HIVEP3: variants seen among roughly 807,000 people sequenced by gnomAD.
HIVEP3 encodes the protein HIVEP zinc finger 3.
A neutral mutation model predicts 152.8 loss-of-function variants in HIVEP3; 49 were observed. That is an observed-to-expected ratio of 0.32 (90% CI 0.26 to 0.41). HIVEP3 has a LOEUF of 0.41. Among genes scored for constraint, HIVEP3 ranks in the 10% least tolerant of loss-of-function variants. The pLI is 1.00. For missense variants in HIVEP3, 2,790 were observed against 3,103.3 expected (o/e 0.90, Z 2.40); for synonymous variants, 1,269 against 1,289.0 (o/e 0.98, Z 0.33).
intron 1 of HIVEP3, among the ~76,000 whole-genome samples, chr1:42,000,736 TGACA>T (rs1439420486): frequency 6.6e-6 from 1 of 152,184 alleles, no homozygotes; most frequent in East Asian, 1.9e-4. Flanking sequence ...AAAACCCTCC[TGACA>T]AAGATTTTTC....
intron 2 of HIVEP3, among the ~76,000 whole-genome samples, chr1:41,676,238 G>A (rs1157025443): frequency 6.6e-6 from 1 of 152,154 alleles, no homozygotes; most frequent in East Asian, 1.9e-4. Flanking sequence ...TTTTAGTAGA[G>A]ACGGGGTTTC....
At chr1:41,936,492 G>A (rs1645021057) in intron 1 of HIVEP3, among the ~76,000 whole-genome samples, 2 of 152,214 alleles carry the variant, frequency 1.3e-5, no homozygotes. Context: ...TCAACAAGAA[G>A]TAGTTCCATT....
intron 1 of HIVEP3, among the ~76,000 whole-genome samples, chr1:41,819,782 C>T (rs1484538177): frequency 3.3e-5 from 5 of 152,086 alleles, no homozygotes; most frequent in Non-Finnish European, 4.4e-5. Context: ...TTGACATTTG[C>T]TACATGATTA....
At chr1:41,716,350 A>C (rs960240200) in intron 1 of HIVEP3, among the ~76,000 whole-genome samples, 2 of 152,152 alleles carry the variant, frequency 1.3e-5, no homozygotes. Flanking sequence ...GGCCATGTCC[A>C]TTACCTCATT....
intron 1 of HIVEP3, among the ~76,000 whole-genome samples, chr1:41,769,965 T>A (rs1648244432): frequency 6.6e-6 from 1 of 152,072 alleles, no homozygotes; most frequent in African/African-American, 2.4e-5. Context: ...TTGTTTTTTG[T>A]TTGTTTGTTT....
At chr1:41,868,174 T>C (rs1644013904) in intron 1 of HIVEP3, among the ~76,000 whole-genome samples, 1 of 147,464 alleles carries the variant, frequency 6.8e-6, no homozygotes, top group African/African-American at 2.5e-5. Flanking sequence ...ACACCATCAG[T>C]AGTTATATAA....
intron 5 of HIVEP3, among the ~76,000 whole-genome samples, chr1:41,572,997 C>A (rs540246934): frequency 6.6e-6 from 1 of 152,312 alleles, no homozygotes; most frequent in South Asian, 2.1e-4. Flanking sequence ...CTTGCTTTGG[C>A]CATTTAAATG....
intron 1 of HIVEP3, among the ~76,000 whole-genome samples, chr1:41,899,798 C>G (rs1384242047): frequency 1.3e-5 from 2 of 152,142 alleles, no homozygotes; most frequent in Admixed American, 6.5e-5. Context: ...ATTATTACCC[C>G]CCAGCTTATA....
chr1:41,756,464 A>G (rs575555496), intron 1 of HIVEP3, among the ~76,000 whole-genome samples: 2 of 152,354 alleles, frequency 1.3e-5, no homozygotes, highest in South Asian at 4.1e-4. Flanking sequence ...TTCTTTTTCC[A>G]AATTCCACTT....
In HIVEP3 at chr1:41,584,498, C is replaced by G; in HGVS notation, c.300G>C (p.Leu100=). Reference sequence around the variant, plus strand: ...TGCCAGGCGACATGAATGCTGGTGTCAGAGGGTGCTGCGGAAGCTGTGAGA... The same window carrying G: ...TGCCAGGCGACATGAATGCTGGTGTGAGAGGGTGCTGCGGAAGCTGTGAGA... The part of the protein sequence containing the change: ...VHISQLPQHP[L]TPAFMSPGKP... Residue 100 remains leucine (L), a synonymous_variant, in exon 4 of 9, where the codon CTG becomes CTC. Coordinates refer to ENST00000372583, the MANE Select transcript of HIVEP3 (RefSeq NM_024503.5). The surrounding 1 kb of genome is among the most constrained non-coding windows in gnomAD (Gnocchi z 5.2). 6.2e-7 allele frequency: 1 copy of G among 1,614,140 alleles called. No individual in the cohort carries two copies. Among genetic ancestry groups the G allele is most frequent in the Non-Finnish European group, 8.5e-7 (1 of 1,180,026 alleles).
chr1:41,608,516 C>T (rs1308879220), intron 3 of HIVEP3, among the ~76,000 whole-genome samples: 1 of 152,232 alleles, frequency 6.6e-6, no homozygotes, highest in Non-Finnish European at 1.5e-5. Context: ...TGTACTTGCT[C>T]TTCTGAAGGG....
At chr1:41,595,033 AG>A (rs1484779633) in intron 3 of HIVEP3, among the ~76,000 whole-genome samples, 1 of 152,234 alleles carries the variant, frequency 6.6e-6, no homozygotes, top group African/African-American at 2.4e-5. Flanking sequence ...ATAAAAGCAC[AG>A]GTTCTAGCCC....
chr1:41,518,547 A>T (rs1642673511), intron 6 of HIVEP3, 59 bp from the exon 7 acceptor site: 2 of 1,486,334 alleles, frequency 1.3e-6, no homozygotes, highest in Non-Finnish European at 1.9e-6. Context: ...GGGCGGACCC[A>T]GGGCTCATGG....
Position 41,592,770 on chromosome 1 carries a change from T to G in HIVEP3, c.-521-7452A>C, listed in dbSNP as rs535508820. Among the ~76,000 whole-genome samples the G allele has an allele frequency of 2.4e-4, 36 of 152,342 alleles. No homozygotes were observed. The South Asian group carries it at 7.2e-3, about 31-fold the overall frequency. ...TTTCTGCAGATGCTTGGCTCACCTA[T>G]AACATTCTAACCTCACTCAGGTCAG... is the stretch of plus-strand genomic sequence containing the variant. On this transcript the variant is annotated intron_variant, in intron 3 of 8. Coordinates refer to ENST00000372583, the MANE Select transcript of HIVEP3 (RefSeq NM_024503.5).
intron 1 of HIVEP3, among the ~76,000 whole-genome samples, chr1:41,871,938 A>C (rs1200243933): frequency 6.6e-6 from 1 of 152,206 alleles, no homozygotes; most frequent in African/African-American, 2.4e-5. Context: ...TTTATATGTT[A>C]GTTTTCCTTA....
At chr1:41,694,149 C>T (rs1330749363) in intron 2 of HIVEP3, among the ~76,000 whole-genome samples, 1 of 152,154 alleles carries the variant, frequency 6.6e-6, no homozygotes, top group African/African-American at 2.4e-5. Flanking sequence ...TCAGTTGACT[C>T]TTCATAATTT....
intron 1 of HIVEP3, among the ~76,000 whole-genome samples, chr1:41,752,056 C>G (rs1446458855): frequency 6.6e-6 from 1 of 152,206 alleles, no homozygotes; most frequent in Non-Finnish European, 1.5e-5. Flanking sequence ...TGTCATCACT[C>G]AGGGGTGTGA....
chr1:41,981,492 G>A (rs571880148), intron 1 of HIVEP3, among the ~76,000 whole-genome samples: 1 of 151,940 alleles, frequency 6.6e-6, no homozygotes, highest in African/African-American at 2.4e-5. Context: ...CTGCTGAGCT[G>A]GCGGCTGGAC....
rs919271069 is a variant in HIVEP3, at chr1:41,872,939, T to C, written c.-801+45474A>G. On this transcript the variant is annotated intron_variant, in intron 1 of 8. Coordinates refer to ENST00000372583, the MANE Select transcript of HIVEP3 (RefSeq NM_024503.5). ...GGAGTAAAATCACTGGGTCATATGC[T>C]GTGCATGTTTAACTTTCTAGGAAAA... 6.1e-4 allele frequency among the ~76,000 whole-genome samples: 93 copies of C among 152,362 alleles called. 1 individual carries two copies. The highest frequency in any genetic ancestry group is 2.2e-3 in the African/African-American group (91 of 41,588).
Sources: gnomAD v4.1 joint callset for allele counts (sites outside exome capture counted in the v4.1 genomes callset) on GRCh38, gnomAD v4.1.1 for gene constraint, Gnocchi (gnomAD v3.1) non-coding constraint, MANE v1.5 for transcripts, NCBI Gene and HGNC (gene_info 2026-07-23, HGNC 2026-07-21) for gene names.